Variants in ATAD5 observed in about 807,000 individuals in gnomAD.
The protein encoded by ATAD5 is ATPase family AAA domain-containing protein 5.
In ATAD5, 58 loss-of-function variants were observed where a neutral mutation model predicts 176.9. The observed-to-expected ratio is 0.33, with a 90% confidence interval of 0.27 to 0.41. The LOEUF (loss-of-function observed/expected upper bound fraction) is 0.41, where lower values mean the gene tolerates loss of function less well. ATAD5 is among the 10% of genes least tolerant of loss of function. The pLI is 1.00. For synonymous variants in ATAD5, 640 were observed against 712.6 expected, an observed-to-expected ratio of 0.90 and a Z score of 1.62; for missense variants, 1,789 against 2,094.1, an observed-to-expected ratio of 0.85 and a Z score of 2.84.
intron 18 of ATAD5, among the ~76,000 whole-genome samples, chr17:30,883,651 A>G (rs995241773): frequency 2.0e-5 from 3 of 151,902 alleles, no homozygotes; most frequent in Admixed American, 6.6e-5. Flanking sequence ...GGTTCATGCT[A>G]TTCTCCTGCC....
chr17:30,841,486 A>G (rs1906113966), intron 4 of ATAD5, among the ~76,000 whole-genome samples: 1 of 152,220 alleles, frequency 6.6e-6, no homozygotes, highest in Non-Finnish European at 1.5e-5. Context: ...AAATAGTTTG[A>G]GATATAATTC....
chr17:30,850,967 C>G (rs1376395466), intron 6 of ATAD5, among the ~76,000 whole-genome samples: 1 of 136,142 alleles, frequency 7.3e-6, no homozygotes, highest in East Asian at 2.4e-4. Context: ...TCACTGCAAC[C>G]TCTGCCTCCC....
intron 19 of ATAD5, among the ~76,000 whole-genome samples, chr17:30,888,183 T>C (rs1009965788): frequency 6.6e-6 from 1 of 152,142 alleles, no homozygotes; most frequent in South Asian, 2.1e-4. Flanking sequence ...GCTAGAATAG[T>C]TGAAAGATTA....
At position 30,858,378 on chromosome 17, in the gene ATAD5, T is replaced by G. The variant is rs892333277; in HGVS notation, c.2956+55T>G. On this transcript the variant is annotated intron_variant, in intron 9 of 22. Coordinates refer to ENST00000321990, the MANE Select transcript of ATAD5 (RefSeq NM_024857.5). ...ACATACCAGTTTTGGGTTTTTATAT[T>G]ATTTATTATTTTATTTTTATTTCTG... The G allele has an allele frequency of 7.7e-6, 9 of 1,161,836 alleles. No homozygotes were observed. In the African/African-American group the frequency reaches 1.3e-4, roughly 17 times the overall value. The allele number at this position is 1,161,836 out of a possible 1,614,324, so 72.0% of individuals were successfully genotyped here.
At chr17:30,874,487 G>A (rs1268627070) in intron 14 of ATAD5, among the ~76,000 whole-genome samples, 1 of 139,192 alleles carries the variant, frequency 7.2e-6, no homozygotes, top group Non-Finnish European at 1.5e-5. Flanking sequence ...GTTGCAGTGA[G>A]CTGAGATTGT....
At chr17:30,880,356 C>G (rs1201039958) in intron 18 of ATAD5, among the ~76,000 whole-genome samples, 1 of 152,160 alleles carries the variant, frequency 6.6e-6, no homozygotes, top group Non-Finnish European at 1.5e-5. Flanking sequence ...CGCCTGTAAT[C>G]CCAGCACTTT....
At chr17:30,891,562 G>A (rs1909639444) in intron 19 of ATAD5, among the ~76,000 whole-genome samples, 3 of 151,930 alleles carry the variant, frequency 2.0e-5, no homozygotes, top group African/African-American at 7.3e-5. Flanking sequence ...TAGTAGAGAT[G>A]GGGTTTTGCC....
intron 17 of ATAD5, among the ~76,000 whole-genome samples, chr17:30,878,476 T>C (rs1597989671): frequency 1.3e-5 from 2 of 152,112 alleles, no homozygotes; most frequent in Non-Finnish European, 2.9e-5. Flanking sequence ...TTATTGTATA[T>C]TTAGCTATCA....
Position 30,893,976 on chromosome 17 carries a change from TA to T in ATAD5, c.5126del (p.Lys1709ArgfsTer23). ...DGWTSQSSGE[L>X]KAAAEALSFT... ...TGGACTTCTCAAAGCTCTGGAGAAT[TA>T]AAGGCAGCTGCAGAAGCTCTCAGCT... On this transcript the variant is annotated frameshift_variant, in exon 21 of 23. Coordinates refer to ENST00000321990, the MANE Select transcript of ATAD5 (RefSeq NM_024857.5). LOFTEE classifies it high-confidence loss of function. 6.2e-7 allele frequency: 1 copy of T among 1,614,026 alleles called. No individual in the cohort carries two copies. Among genetic ancestry groups the T allele is most frequent in the Non-Finnish European group, 8.5e-7 (1 of 1,179,928 alleles).
intron 6 of ATAD5, among the ~76,000 whole-genome samples, chr17:30,851,009 C>T (rs113456816): frequency 1.7e-3 from 236 of 141,734 alleles, no homozygotes; most frequent in African/African-American, 5.4e-3. Context: ...CTCAGCATCC[C>T]GAGTAGCTGG....
chr17:30,857,909 T>G (rs1235463556), intron 8 of ATAD5, among the ~76,000 whole-genome samples: 1 of 152,012 alleles, frequency 6.6e-6, no homozygotes, highest in Non-Finnish European at 1.5e-5. Context: ...GCCCAGCAAA[T>G]TTTTGTATTT....
Position 30,835,657 on chromosome 17 carries a change from G to T in ATAD5, c.1576G>T (p.Glu526Ter). The T allele has an allele frequency of 6.2e-7, 1 of 1,603,872 alleles. No individual in the cohort carries two copies. ...AATGAGTTTAAGACAAAGGAAAACA[G>T]AGTTTTTCAAAAGCAGCACTTTATT... ...NRMSLRQRKT[E>*]FFKSSTLFNN... The change falls in exon 2 of 23, where the codon GAG (glutamate) becomes TAG (stop). Residue 526 changes from glutamate to a stop codon, truncating the protein, a stop_gained. Transcript: ENST00000321990. LOFTEE classifies it high-confidence loss of function.
At position 30,876,558 on chromosome 17, in the gene ATAD5, A is replaced by G; in HGVS notation, c.3784+8A>G. 2 of 1,504,746 alleles carry G rather than the reference A, an allele frequency of 1.3e-6. No individual in the cohort carries two copies. The highest frequency in any genetic ancestry group is 1.8e-6 in the Non-Finnish European group (2 of 1,104,690). The allele number at this position is 1,504,746 out of a possible 1,614,324, so 93.2% of individuals were successfully genotyped here. A position where few individuals can be genotyped will look rare whatever the true frequency, so the allele number is the denominator to read the frequency against. ...TTCTGGAAAATAATAAAGGTAAGAC[A>G]TTAAATTGACAAATTTTATATTTTT... is the stretch of plus-strand genomic sequence containing the variant. On this transcript the variant is annotated splice_region_variant and intron_variant, in intron 15 of 22. Coordinates refer to ENST00000321990, the MANE Select transcript of ATAD5 (RefSeq NM_024857.5).
At chr17:30,849,636 TTTC>T (rs1260557328) in intron 6 of ATAD5, among the ~76,000 whole-genome samples, 10 of 152,326 alleles carry the variant, frequency 6.6e-5, no homozygotes, top group African/African-American at 1.9e-4. Context: ...CTGACTTGTC[TTTC>T]TTCTTGTTGA....
At chr17:30,850,847 ATATATATATATATATATATATATTTTTTT>A (rs1567683519) in intron 6 of ATAD5, among the ~76,000 whole-genome samples, 10 of 31,388 alleles carry the variant, frequency 3.2e-4, no homozygotes, top group African/African-American at 7.7e-4. Flanking sequence ...ATATATATAT[ATATATATATATATATATATATATTTTTTT>A]TTTTTTTTTT....
At chr17:30,883,656 C>T (rs565976115) in intron 18 of ATAD5, among the ~76,000 whole-genome samples, 13 of 152,232 alleles carry the variant, frequency 8.5e-5, no homozygotes, top group Admixed American at 2.0e-4. Context: ...ATGCTATTCT[C>T]CTGCCTCAGC....
chr17:30,847,345 G>C (rs1205503656), intron 6 of ATAD5, among the ~76,000 whole-genome samples: 1 of 151,990 alleles, frequency 6.6e-6, no homozygotes, highest in Non-Finnish European at 1.5e-5. Flanking sequence ...GAGAGAGAGA[G>C]AGAGAGATGG....
In ATAD5 at chr17:30,894,667, C is replaced by G. The variant is rs778084000; in HGVS notation, c.5401C>G (p.Leu1801Val). 104 of 1,613,342 alleles carry G rather than the reference C, an allele frequency of 6.4e-5. No homozygotes were observed. The East Asian group carries it at 2.3e-3, about 36-fold the overall frequency. The change falls in exon 22 of 23, where the codon CTT becomes GTT. Residue 1801 changes from leucine (L) to valine (V), a missense_variant. Leu to Val is a conservative substitution (Grantham distance 32, BLOSUM62 1). This residue lies in a region of ATAD5 where 403 missense variants were observed against 495.1 expected (regional missense o/e 0.81). Coordinates refer to ENST00000321990, the MANE Select transcript of ATAD5 (RefSeq NM_024857.5). The part of the protein sequence containing the change: ...QASIIEYLPT[L>V]RNICKTEKLK... ...TAGTATAATTGAATACCTGCCAACC[C>G]TTCGAAACATCTGTAAGACTGAGAA... is the stretch of plus-strand genomic sequence containing the variant.
intron 3 of ATAD5, 22 bp downstream of exon 3, chr17:30,837,336 C>A: frequency 7.1e-7 from 1 of 1,403,974 alleles, no homozygotes; most frequent in Non-Finnish European, 9.7e-7. Flanking sequence ...ATTAGAGAGT[C>A]CTATAAGTGC....
Sources: allele counts gnomAD v4.1 joint callset (sites outside exome capture counted in the v4.1 genomes callset), GRCh38; gene constraint gnomAD v4.1.1; regional missense constraint gnomAD v4.1.1; transcripts MANE v1.5; gene names NCBI Gene and HGNC (gene_info 2026-07-23, HGNC 2026-07-21).